SPOP: variants seen among roughly 807,000 people sequenced by gnomAD.
The protein encoded by SPOP is speckle type BTB/POZ protein.
SPOP carries 11 observed loss-of-function variants against 45.6 expected under a neutral mutation model. The observed-to-expected ratio is 0.24, with a 90% confidence interval of 0.15 to 0.40. The LOEUF is 0.40. SPOP is among the 10% of genes least tolerant of loss of function. SPOP has a pLI of 1.00. For missense variants in SPOP, 152 were observed against 465.6 expected (o/e 0.33, Z 6.20); for synonymous variants, 166 against 166.3 (o/e 1.00, Z 0.01).
At position 49,664,389 on chromosome 17, in the gene SPOP, A is replaced by C. The variant is rs570586252; in HGVS notation, c.-67+13544T>G. On this transcript the variant is annotated intron_variant, in intron 1 of 9. Coordinates refer to ENST00000504102, the MANE Select transcript of SPOP (RefSeq NM_001007228.2). The stretch of plus-strand genomic sequence containing the variant: ...TTTAAGAGACTTGCAGAAATGTAAA[A>C]AATGCAACTCTTCTCATGAATTTTT... 8.5e-5 allele frequency among the ~76,000 whole-genome samples: 13 copies of C among 152,330 alleles called. 1 individual carries two copies. In the South Asian group the frequency reaches 2.7e-3, roughly 32 times the overall value.
chr17:49,607,216 C>G (rs377163062), intron 8 of SPOP, 34 bp downstream of exon 8: 10 of 1,613,486 alleles, frequency 6.2e-6, no homozygotes, highest in Non-Finnish European at 7.6e-6. Context: ...CACAATAACT[C>G]CTAGTCCTGA....
chr17:49,657,868 AT>A (rs1310921460), intron 1 of SPOP, among the ~76,000 whole-genome samples: 2 of 151,388 alleles, frequency 1.3e-5, no homozygotes, highest in Admixed American at 6.6e-5. Flanking sequence ...CACCCAGCTA[AT>A]TTTTTGTATT....
chr17:49,601,168 C>T (rs1400011213), intron 9 of SPOP: 3 of 152,876 alleles, frequency 2.0e-5, no homozygotes, highest in African/African-American at 7.2e-5. Flanking sequence ...CACTCATCCA[C>T]CTGGAATGTC....
At chr17:49,673,824 A>G (rs2073167251) in intron 1 of SPOP, among the ~76,000 whole-genome samples, 1 of 151,984 alleles carries the variant, frequency 6.6e-6, no homozygotes, top group Non-Finnish European at 1.5e-5. Context: ...ATTATTTCCT[A>G]TATTCAGTAG....
At chr17:49,611,496 C>T (rs749130439) in intron 5 of SPOP, 39 bp from the exon 6 acceptor site, 2 of 1,587,912 alleles carry the variant, frequency 1.3e-6, no homozygotes, top group South Asian at 2.2e-5. Context: ...GCTTTTGTTA[C>T]CAGGAATTTT....
chr17:49,627,901 C>A (rs922776514), intron 1 of SPOP, among the ~76,000 whole-genome samples: 3 of 152,158 alleles, frequency 2.0e-5, no homozygotes, highest in Admixed American at 6.5e-5. Flanking sequence ...CTTAACCAAA[C>A]AACCTGCTGG....
chr17:49,664,791 C>T (rs2073031660), intron 1 of SPOP, among the ~76,000 whole-genome samples: 1 of 152,174 alleles, frequency 6.6e-6, no homozygotes, highest in South Asian at 2.1e-4. Context: ...TGAATTATGC[C>T]TCATGGAGAC....
At chr17:49,648,237 G>T (rs2072790331) in intron 1 of SPOP, among the ~76,000 whole-genome samples, 1 of 152,164 alleles carries the variant, frequency 6.6e-6, no homozygotes, top group African/African-American at 2.4e-5. Flanking sequence ...GCCACAGTGA[G>T]CTTTTAAAAT....
chr17:49,633,211 C>T (rs1233116157), intron 1 of SPOP, among the ~76,000 whole-genome samples: 1 of 152,100 alleles, frequency 6.6e-6, no homozygotes, highest in Non-Finnish European at 1.5e-5. Flanking sequence ...CATAAAAAGC[C>T]TATTTCTCCT....
chr17:49,646,045 G>T (rs1307785616), intron 1 of SPOP: 1 of 152,114 alleles, frequency 6.6e-6, no homozygotes, highest in African/African-American at 2.4e-5. Flanking sequence ...ATATTTTGCT[G>T]CCTTTCCTTT....
chr17:49,627,052 T>C (rs1447679858), intron 1 of SPOP, among the ~76,000 whole-genome samples: 1 of 152,200 alleles, frequency 6.6e-6, no homozygotes, highest in Admixed American at 6.5e-5. Flanking sequence ...GGTTTCACCA[T>C]GTTAGCCAGG....
chr17:49,601,681 C>G lies in SPOP; in HGVS notation c.980+184G>C, dbSNP rs1453756514. The G allele has an allele frequency of 8.8e-6, 6 of 679,428 alleles. No individual in the cohort carries two copies. In the African/African-American group the frequency reaches 1.1e-4, roughly 12 times the overall value. 42.1% of individuals were successfully genotyped at this position (679,428 alleles called of 1,614,324 possible). A position where few individuals can be genotyped will look rare whatever the true frequency, so the allele number is the denominator to read the frequency against. On this transcript the variant is annotated intron_variant, in intron 9 of 9. Coordinates refer to ENST00000504102, the MANE Select transcript of SPOP (RefSeq NM_001007228.2). ...TGAGGAAGTAAAACACTTTACTCAC[C>G]AATAGGATTCAACCCATGAAGTCAA...
At chr17:49,628,224 G>A (rs773929253) in intron 1 of SPOP, among the ~76,000 whole-genome samples, 3 of 152,262 alleles carry the variant, frequency 2.0e-5, no homozygotes, top group Non-Finnish European at 4.4e-5. Flanking sequence ...TTTCTAGTAC[G>A]CTCAAACTCT....
chr17:49,638,817 G>C (rs191852747), intron 1 of SPOP, among the ~76,000 whole-genome samples: 1 of 152,144 alleles, frequency 6.6e-6, no homozygotes, highest in Non-Finnish European at 1.5e-5. Context: ...TTCGAGACTA[G>C]CCTGGCCAAT....
At chr17:49,635,749 C>T (rs1033838843) in intron 1 of SPOP, among the ~76,000 whole-genome samples, 1 of 151,444 alleles carries the variant, frequency 6.6e-6, no homozygotes, top group South Asian at 2.1e-4. Context: ...ATTCTCCCAC[C>T]TCAGCCTCCC....
intron 9 of SPOP, chr17:49,601,046 C>T (rs1176139166): frequency 1.3e-5 from 2 of 154,096 alleles, no homozygotes; most frequent in Non-Finnish European, 2.9e-5. Flanking sequence ...ACTGATGGGT[C>T]TCTCCCCTCC....
chr17:49,675,401 C>CA (rs1567809557), intron 1 of SPOP, among the ~76,000 whole-genome samples: 1 of 151,800 alleles, frequency 6.6e-6, no homozygotes, highest in Admixed American at 6.6e-5. Flanking sequence ...CAAACAAAAA[C>CA]AAAAAATGTG....
intron 8 of SPOP, among the ~76,000 whole-genome samples, chr17:49,605,043 C>T (rs976608489): frequency 6.6e-6 from 1 of 152,120 alleles, no homozygotes; most frequent in South Asian, 2.1e-4. Flanking sequence ...ATAAGACTTT[C>T]CCACCAACCT....
chr17:49,615,961 G>A (rs902395142), intron 5 of SPOP, among the ~76,000 whole-genome samples: 1 of 152,148 alleles, frequency 6.6e-6, no homozygotes, highest in Non-Finnish European at 1.5e-5. Context: ...GACAATTCAG[G>A]AAATGCTTTG....
Sources: gnomAD v4.1 joint callset for allele counts (sites outside exome capture counted in the v4.1 genomes callset) on GRCh38, gnomAD v4.1.1 for gene constraint, MANE v1.5 for transcripts, NCBI Gene and HGNC (gene_info 2026-07-23, HGNC 2026-07-21) for gene names.